SUGCT: variants seen among roughly 807,000 people sequenced by gnomAD.
SUGCT encodes the protein succinyl-CoA:glutarate CoA-transferase.
A neutral mutation model predicts 55.0 loss-of-function variants in SUGCT; 41 were observed. The ratio of observed to expected loss-of-function variants is 0.74; its 90% CI spans 0.58 to 0.97. The LOEUF (loss-of-function observed/expected upper bound fraction) is 0.97. Among genes scored for constraint, SUGCT ranks in the 50% least tolerant of loss-of-function variants. The probability of loss-of-function intolerance (pLI) is 0.00; values close to 1 mark genes in which losing one functional copy is unlikely to be tolerated. For synonymous variants in SUGCT, 187 were observed against 200.4 expected, an observed-to-expected ratio of 0.93 and a Z score of 0.56; for missense variants, 568 against 547.8, an observed-to-expected ratio of 1.04 and a Z score of -0.37.
chr7:40,303,313 C>T (rs181015495), intron 8 of SUGCT, among the ~76,000 whole-genome samples: 1 of 152,214 alleles, frequency 6.6e-6, no homozygotes, highest in Admixed American at 6.5e-5. Context: ...GGATTGCAGG[C>T]GTGAGCCACC....
the SUGCT span, among the ~76,000 whole-genome samples, chr7:40,968,548 G>A: frequency 6.6e-6 from 1 of 152,322 alleles, no homozygotes; most frequent in African/African-American, 2.4e-5. Flanking sequence ...TGCCCAAACT[G>A]TGATCAGCCA....
chr7:40,838,517 A>G (rs1793106045), intron 13 of SUGCT, among the ~76,000 whole-genome samples: 1 of 152,168 alleles, frequency 6.6e-6, no homozygotes, highest in Admixed American at 6.5e-5. Flanking sequence ...GAGTAATTGG[A>G]AGGAGTGTTG....
intron 13 of SUGCT, among the ~76,000 whole-genome samples, chr7:40,850,153 G>A (rs1793779834): frequency 6.6e-6 from 1 of 152,134 alleles, no homozygotes; most frequent in African/African-American, 2.4e-5. Context: ...GTTTCAAGCT[G>A]AGATCATTCT....
chr7:40,951,474 G>C, the SUGCT span, among the ~76,000 whole-genome samples: 1 of 152,060 alleles, frequency 6.6e-6, no homozygotes, highest in Non-Finnish European at 1.5e-5. Flanking sequence ...TCTGATCTTA[G>C]TTGTTTCTTG....
chr7:40,737,544 A>G (rs1787226333), intron 12 of SUGCT, among the ~76,000 whole-genome samples: 1 of 152,204 alleles, frequency 6.6e-6, no homozygotes, highest in South Asian at 2.1e-4. Flanking sequence ...AATACACAAA[A>G]CAGTATTCCT....
At chr7:40,341,749 T>C (rs1283580562) in intron 9 of SUGCT, among the ~76,000 whole-genome samples, 1 of 152,096 alleles carries the variant, frequency 6.6e-6, no homozygotes, top group Non-Finnish European at 1.5e-5. Context: ...AGAAACCTGG[T>C]TTCATTTAGG....
intron 12 of SUGCT, among the ~76,000 whole-genome samples, chr7:40,645,641 C>G (rs1454631527): frequency 6.6e-6 from 1 of 152,168 alleles, no homozygotes; most frequent in Non-Finnish European, 1.5e-5. Context: ...CCAGTATAGA[C>G]TGGATTCAGA....
chr7:40,292,723 G>A (rs1477900933), intron 8 of SUGCT, among the ~76,000 whole-genome samples: 1 of 152,094 alleles, frequency 6.6e-6, no homozygotes, highest in Admixed American at 6.5e-5. Flanking sequence ...AGTTTCTGGT[G>A]CGGTATAGTC....
At chr7:40,746,285 G>A (rs559868686) in intron 12 of SUGCT, among the ~76,000 whole-genome samples, 11 of 152,286 alleles carry the variant, frequency 7.2e-5, no homozygotes, top group Non-Finnish European at 1.5e-4. Context: ...AAGATTCCAA[G>A]TCATTAGGCA....
intron 6 of SUGCT, among the ~76,000 whole-genome samples, chr7:40,216,515 A>AG (rs1404813432): frequency 6.6e-6 from 1 of 151,478 alleles, no homozygotes; most frequent in East Asian, 1.9e-4. Flanking sequence ...AAAAAAAAAA[A>AG]AAAAAAGAAA....
At chr7:40,877,768 T>A in the SUGCT span, among the ~76,000 whole-genome samples, 1 of 152,270 alleles carries the variant, frequency 6.6e-6, no homozygotes, top group East Asian at 1.9e-4. Context: ...TTACTCCATA[T>A]GCTGCTGAAT....
At chr7:40,713,031 A>G (rs1263971896) in intron 12 of SUGCT, among the ~76,000 whole-genome samples, 3 of 152,278 alleles carry the variant, frequency 2.0e-5, no homozygotes, top group Non-Finnish European at 4.4e-5. Flanking sequence ...TTTTCCATCA[A>G]TGGCCCACTT....
At chr7:40,697,818 C>T (rs550663323) in intron 12 of SUGCT, among the ~76,000 whole-genome samples, 1 of 152,188 alleles carries the variant, frequency 6.6e-6, no homozygotes, top group African/African-American at 2.4e-5. Flanking sequence ...TCATACTACA[C>T]CTTATTGCTC....
chr7:40,874,430 T>C, the SUGCT span, among the ~76,000 whole-genome samples: 1 of 152,354 alleles, frequency 6.6e-6, no homozygotes, highest in East Asian at 1.9e-4. Flanking sequence ...TTAACTAGAT[T>C]ATAAATATCT....
At chr7:40,577,738 T>C (rs1168095613) in intron 12 of SUGCT, among the ~76,000 whole-genome samples, 1 of 151,822 alleles carries the variant, frequency 6.6e-6, no homozygotes, top group Non-Finnish European at 1.5e-5. Context: ...CCAGTATACT[T>C]TTTTTTTAAA....
intron 13 of SUGCT, among the ~76,000 whole-genome samples, chr7:40,856,526 T>G (rs1304328491): frequency 6.6e-6 from 1 of 152,064 alleles, no homozygotes; most frequent in African/African-American, 2.4e-5. Context: ...GCTGAACACC[T>G]AGTCCTAACA....
intron 1 of SUGCT, among the ~76,000 whole-genome samples, chr7:40,168,033 T>G (rs1315440217): frequency 6.6e-6 from 1 of 152,234 alleles, no homozygotes; most frequent in Admixed American, 6.5e-5. Flanking sequence ...TCAGGCGATA[T>G]ATGATTTGAC....
At chr7:40,777,001 G>A (rs1194973932) in intron 13 of SUGCT, among the ~76,000 whole-genome samples, 1 of 152,160 alleles carries the variant, frequency 6.6e-6, no homozygotes, top group Non-Finnish European at 1.5e-5. Context: ...ATGCAGTAGA[G>A]CGGTGAAGCA....
intron 9 of SUGCT, among the ~76,000 whole-genome samples, chr7:40,390,322 T>G (rs1420197854): frequency 6.6e-6 from 1 of 152,092 alleles, no homozygotes; most frequent in Non-Finnish European, 1.5e-5. Context: ...CGGTATTCAA[T>G]TAGGAAAAGA....
Sources: allele counts gnomAD v4.1 joint callset (sites outside exome capture counted in the v4.1 genomes callset), GRCh38; gene constraint gnomAD v4.1.1; transcripts MANE v1.5; gene names NCBI Gene and HGNC (gene_info 2026-07-23, HGNC 2026-07-21).